The following ZNF432 variants were observed in gnomAD, a reference collection of about 807,000 sequenced individuals.
The protein encoded by ZNF432 is zinc finger protein 432.
A neutral mutation model predicts 13.9 loss-of-function variants in ZNF432; 10 were observed. The ratio of observed to expected loss-of-function variants is 0.72; its 90% confidence interval spans 0.44 to 1.22. ZNF432 has a LOEUF of 1.22. ZNF432 is among the 50% of genes most tolerant of loss of function. The pLI is 0.00. For missense variants in ZNF432, 793 were observed against 796.2 expected (o/e 1.00, Z 0.05); for synonymous variants, 247 against 256.2 (o/e 0.96, Z 0.34).
intron 4 of ZNF432, among the ~76,000 whole-genome samples, chr19:52,039,605 A>G (rs969383327): frequency 1.1e-4 from 16 of 152,110 alleles, no homozygotes; most frequent in African/African-American, 3.9e-4. Flanking sequence ...AGGCCGAGGC[A>G]GGTGGGTCAC....
intron 2 of ZNF432, among the ~76,000 whole-genome samples, chr19:52,045,867 C>T (rs1242804596): frequency 6.6e-6 from 1 of 151,336 alleles, no homozygotes; most frequent in African/African-American, 2.4e-5. Flanking sequence ...TGCAAGTGCA[C>T]ACCTGTAATC....
Position 52,033,535 on chromosome 19 carries a change from T to C in ZNF432, c.*185A>G, listed in dbSNP as rs957907810. On this transcript the variant is annotated 3_prime_UTR_variant, in exon 5 of 5. Coordinates refer to ENST00000221315, the MANE Select transcript of ZNF432 (RefSeq NM_014650.4). ...TTCTATACATTGGTACATCAAAGAATTCAGAGCCTGAATTCATGTTGAAGC... is the reference window on the plus strand; with the variant it reads ...TTCTATACATTGGTACATCAAAGAACTCAGAGCCTGAATTCATGTTGAAGC... 8 of 645,610 alleles carry C rather than the reference T, an allele frequency of 1.2e-5. No individual in the cohort carries two copies. The highest frequency in any genetic ancestry group is 7.3e-5 in the African/African-American group (4 of 54,970). 40.0% of individuals were successfully genotyped at this position (645,610 alleles called of 1,614,324 possible). A position where few individuals can be genotyped will look rare whatever the true frequency, so the allele number is the denominator to read the frequency against.
At chr19:52,048,493 C>T (rs992543209) in intron 1 of ZNF432, 2 of 152,282 alleles carry the variant, frequency 1.3e-5, no homozygotes, top group African/African-American at 4.8e-5. Context: ...CACTGACCAC[C>T]AGAGCCTCCA....
In ZNF432 at chr19:52,037,467, G is replaced by A. The variant is rs575866922; in HGVS notation, c.239-2027C>T. 2.0e-5 allele frequency among the ~76,000 whole-genome samples: 3 copies of A among 152,214 alleles called. No individual in the cohort carries two copies. The South Asian group carries it at 6.2e-4, about 32-fold the overall frequency. ...TGCTGCTGCATGGGATATGAAAACT[G>A]TCATTTTCTTCAATCACATTCTGCA... On this transcript the variant is annotated intron_variant, in intron 4 of 4. Transcript: ENST00000221315.
In ZNF432 at chr19:52,034,705, C is replaced by A; in HGVS notation, c.974G>T (p.Gly325Val). Residue 325 changes from glycine to valine, a missense_variant, in exon 5 of 5, where the codon GGC (glycine) becomes GTC (valine). Physicochemically the swap from Gly to Val is moderately radical, Grantham distance 109. Coordinates refer to ENST00000221315, the MANE Select transcript of ZNF432 (RefSeq NM_014650.4). The stretch of plus-strand genomic sequence containing the variant: ...AATAAGCATGCTCTTCCCAGTGAAG[C>A]CTTTTCCACATTCACTACATATATA... ...KSYICSECGK[G>V]FTGKSMLIIH... The A allele has an allele frequency of 6.2e-7, 1 of 1,613,840 alleles. No individual in the cohort carries two copies. The highest frequency in any genetic ancestry group is 8.5e-7 in the Non-Finnish European group (1 of 1,179,920).
chr19:52,034,790 CT>C lies in ZNF432; in HGVS notation c.888del (p.Gly297AlafsTer88). The C allele has an allele frequency of 6.2e-7, 1 of 1,612,108 alleles. No homozygotes were observed. The highest frequency in any genetic ancestry group is 8.5e-7 in the Non-Finnish European group (1 of 1,179,186). On this transcript the variant is annotated frameshift_variant, in exon 5 of 5. Transcript: ENST00000221315. LOFTEE classifies it low-confidence loss of function (END_TRUNC). ...EKPYICNECG[K>X]GFPGKRNLIV... ...ATGAGATTACGCTTGCCTGGGAAGC[CT>C]TTTCCACATTCATTGCATATGTAGG...
intron 4 of ZNF432, among the ~76,000 whole-genome samples, chr19:52,039,343 T>C (rs1424180329): frequency 6.6e-6 from 1 of 152,186 alleles, no homozygotes; most frequent in Non-Finnish European, 1.5e-5. Flanking sequence ...ATGCAATAGA[T>C]GAATTGATAA....
At position 52,034,643 on chromosome 19, in the gene ZNF432, T is replaced by G; in HGVS notation, c.1036A>C (p.Ile346Leu). The part of the protein sequence containing the change: ...QRTHTGEKPY[I>L]CSECGKGFTT... The stretch of plus-strand genomic sequence containing the variant: ...AAGCCTTTCCCACATTCACTACAGA[T>G]GTAGGGCTTCTCTCCTGTATGAGTT... Residue 346 changes from isoleucine (I) to leucine (L), a missense_variant, in exon 5 of 5, where the codon ATC (isoleucine) becomes CTC (leucine). Coordinates refer to ENST00000221315, the MANE Select transcript of ZNF432 (RefSeq NM_014650.4). 6.2e-7 allele frequency: 1 copy of G among 1,613,542 alleles called. No homozygotes were observed.
Position 52,034,008 on chromosome 19 carries a change from A to C in ZNF432, c.1671T>G (p.Ile557Met). 1 of 1,614,198 alleles carries C rather than the reference A, an allele frequency of 6.2e-7. No homozygotes were observed. Among genetic ancestry groups the C allele is most frequent in the Non-Finnish European group, 8.5e-7 (1 of 1,180,046 alleles). Residue 557 changes from isoleucine to methionine, a missense_variant, in exon 5 of 5, where the codon ATT (isoleucine) becomes ATG (methionine). Transcript: ENST00000221315. ...GKGFTMKRYL[I>M]VHQQIHTEEK... is the part of the protein sequence containing the mutation. ...CTTCTGTATGAATTTGCTGATGTAC[A>C]ATGAGATAGCGTTTCATGGTGAAGC...
At chr19:52,035,472 T>C (rs761028314) in intron 4 of ZNF432, 32 bp from the exon 5 acceptor site, 4 of 1,484,654 alleles carry the variant, frequency 2.7e-6, no homozygotes, top group Non-Finnish European at 3.6e-6. Flanking sequence ...AATCCTTTTA[T>C]AATCTTGTTG....
Position 52,034,669 on chromosome 19 carries a change from C to T in ZNF432, c.1010G>A (p.Arg337Gln), listed in dbSNP as rs374713969. Reference sequence around the variant, plus strand: ...GTAGGGCTTCTCTCCTGTATGAGTTCGCTGATGTATAATAAGCATGCTCTT... The same window carrying T: ...GTAGGGCTTCTCTCCTGTATGAGTTTGCTGATGTATAATAAGCATGCTCTT... ...TGKSMLIIHQRTHTGEKPYIC... is the reference protein window; with the variant it reads ...TGKSMLIIHQQTHTGEKPYIC... The change falls in exon 5 of 5, where the codon CGA becomes CAA. Residue 337 changes from arginine (R) to glutamine (Q), a missense_variant. Physicochemically the swap from Arg to Gln is conservative, Grantham distance 43 (BLOSUM62 1). Coordinates refer to ENST00000221315, the MANE Select transcript of ZNF432 (RefSeq NM_014650.4). 77 of 1,613,756 alleles carry T rather than the reference C, an allele frequency of 4.8e-5. No homozygotes were observed. Among genetic ancestry groups the T allele is most frequent in the African/African-American group, 8.0e-5 (6 of 74,908 alleles).
chr19:52,036,181 G>A (rs781248052), intron 4 of ZNF432, among the ~76,000 whole-genome samples: 17 of 152,176 alleles, frequency 1.1e-4, no homozygotes, highest in African/African-American at 4.1e-4. Flanking sequence ...CACTCCACTA[G>A]TTATTTGTCA....
intron 2 of ZNF432, 87 bp from the exon 3 acceptor site, chr19:52,041,693 A>G (rs2087138425): frequency 2.6e-6 from 4 of 1,520,784 alleles, no homozygotes; most frequent in Middle Eastern, 1.9e-4. Context: ...TCCCGCTCAC[A>G]TTAAACATAT....
intron 4 of ZNF432, among the ~76,000 whole-genome samples, chr19:52,037,663 G>A (rs138609445): frequency 1.0e-3 from 157 of 151,976 alleles, no homozygotes; most frequent in African/African-American, 3.5e-3. Context: ...GGTGATATGC[G>A]CCTGTAGTTT....
Position 52,034,674 on chromosome 19 carries a change from A to G in ZNF432, c.1005T>C (p.His335=). ...GCTTCTCTCCTGTATGAGTTCGCTG[A>G]TGTATAATAAGCATGCTCTTCCCAG... ...GFTGKSMLII[H]QRTHTGEKPY... Residue 335 remains histidine (H), a synonymous_variant, in exon 5 of 5, where the codon CAT becomes CAC. Transcript: ENST00000221315. 4 of 1,613,924 alleles carry G rather than the reference A, an allele frequency of 2.5e-6. No homozygotes were observed. The highest frequency in any genetic ancestry group is 3.4e-6 in the Non-Finnish European group (4 of 1,179,952).
chr19:52,047,671 CA>C (rs201695632), intron 1 of ZNF432, among the ~76,000 whole-genome samples: 1,849 of 71,820 alleles, frequency 0.026, 29 homozygotes, highest in African/African-American at 0.072. Context: ...GACTCCATCT[CA>C]AAAAAAAAAA....
Position 52,034,045 on chromosome 19 carries a change from T to C in ZNF432, c.1634A>G (p.Glu545Gly). ...TTTCATGGTGAAGCCTTTTCCACAT[T>C]CACTGCACATAAAGGGTTTCTCTCC... is the stretch of plus-strand genomic sequence containing the variant. ...HTGEKPFMCS[E>G]CGKGFTMKRY... Residue 545 changes from glutamate to glycine, a missense_variant, in exon 5 of 5, where the codon GAA becomes GGA. Coordinates refer to ENST00000221315, the MANE Select transcript of ZNF432 (RefSeq NM_014650.4). 3.7e-6 allele frequency: 6 copies of C among 1,614,214 alleles called. No individual in the cohort carries two copies. Among genetic ancestry groups the C allele is most frequent in the Non-Finnish European group, 5.1e-6 (6 of 1,180,024 alleles).
chr19:52,041,722 A>T, intron 2 of ZNF432, 116 bp from the exon 3 acceptor site: 2 of 1,196,870 alleles, frequency 1.7e-6, no homozygotes, highest in Non-Finnish European at 2.3e-6. Context: ...TCCATCTATA[A>T]GTCTATTGTA....
intron 3 of ZNF432, 36 bp downstream of exon 3, chr19:52,041,444 G>C: frequency 6.5e-7 from 1 of 1,545,968 alleles, no homozygotes; most frequent in Non-Finnish European, 8.7e-7. Context: ...CCACAGACTG[G>C]GCACCCTCCA....
Sources: gnomAD v4.1 joint callset for allele counts (sites outside exome capture counted in the v4.1 genomes callset) on GRCh38, gnomAD v4.1.1 for gene constraint, MANE v1.5 for transcripts, NCBI Gene and HGNC (gene_info 2026-07-23, HGNC 2026-07-21) for gene names.